Variants in RAB27B observed in about 807,000 individuals in gnomAD.
The protein encoded by RAB27B is RAB27B, member RAS oncogene family.
In RAB27B, 15 loss-of-function variants were observed where a neutral mutation model predicts 24.6. The ratio of observed to expected loss-of-function variants is 0.61; its 90% confidence interval spans 0.41 to 0.94. The LOEUF (loss-of-function observed/expected upper bound fraction) is 0.94, where lower values mean the gene tolerates loss of function less well. Ranked by LOEUF, RAB27B falls within the 40% of genes least tolerant of loss-of-function variation. The pLI, the probability that RAB27B is intolerant of heterozygous loss-of-function variation, is 0.00. For missense variants in RAB27B, 261 were observed against 266.8 expected, an observed-to-expected ratio of 0.98 and a Z score of 0.15; for synonymous variants, 105 against 92.5, an observed-to-expected ratio of 1.14 and a Z score of -0.78.
At position 54,879,298 on chromosome 18, in the gene RAB27B, A is replaced by T. The variant is rs1042610171; in HGVS notation, c.154-71A>T. On this transcript the variant is annotated intron_variant, in intron 2 of 5. Coordinates refer to ENST00000262094, the MANE Select transcript of RAB27B (RefSeq NM_004163.4). ...TAGTAATTGAGAAAAAAACATGCTG[A>T]GTGAACCCAAAGAATTTGAGTGCTG... 1.2e-5 allele frequency: 14 copies of T among 1,126,838 alleles called. No individual in the cohort carries two copies. The African/African-American group carries it at 1.8e-4, about 15-fold the overall frequency. The allele number at this position is 1,126,838 out of a possible 1,614,324, so 69.8% of individuals were successfully genotyped here. A position where few individuals can be genotyped will look rare whatever the true frequency, so the allele number is the denominator to read the frequency against.
chr18:54,831,444 T>G (rs1487839331), intron 1 of RAB27B, among the ~76,000 whole-genome samples: 1 of 152,140 alleles, frequency 6.6e-6, no homozygotes, highest in Non-Finnish European at 1.5e-5. Flanking sequence ...TTGGCCTTTG[T>G]TTTTTATTCC....
At chr18:54,844,291 A>C (rs1364501999) in intron 1 of RAB27B, among the ~76,000 whole-genome samples, 1 of 152,142 alleles carries the variant, frequency 6.6e-6, no homozygotes, top group Non-Finnish European at 1.5e-5. Flanking sequence ...GTTAAAGTTG[A>C]AGGCAATCCC....
chr18:54,723,907 G>A (rs550209722), intron 2 of RAB27B, among the ~76,000 whole-genome samples: 78 of 152,228 alleles, frequency 5.1e-4, no homozygotes, highest in African/African-American at 1.8e-3. Flanking sequence ...AAGGGCAACA[G>A]GTCATGAAAT....
At chr18:54,881,386 C>T (rs1912918755) in intron 3 of RAB27B, among the ~76,000 whole-genome samples, 1 of 151,978 alleles carries the variant, frequency 6.6e-6, no homozygotes, top group Admixed American at 6.6e-5. Flanking sequence ...CATTCTATCT[C>T]AGGGGTCACG....
At chr18:54,810,744 C>T (rs1909934299) in intron 2 of RAB27B, among the ~76,000 whole-genome samples, 1 of 151,736 alleles carries the variant, frequency 6.6e-6, no homozygotes, top group Non-Finnish European at 1.5e-5. Context: ...GCATGAGAAT[C>T]ACTTGAACTG....
intron 1 of RAB27B, among the ~76,000 whole-genome samples, chr18:54,850,066 C>T (rs974057600): frequency 6.6e-6 from 1 of 151,474 alleles, no homozygotes; most frequent in East Asian, 1.9e-4. Flanking sequence ...TATTAAGACC[C>T]CCAAATCTGA....
chr18:54,750,368 G>T (rs530172770), intron 2 of RAB27B, among the ~76,000 whole-genome samples: 8 of 152,278 alleles, frequency 5.3e-5, no homozygotes, highest in African/African-American at 1.7e-4. Context: ...AATTTTTAAT[G>T]TTTAAAGTTT....
At chr18:54,817,748 T>C (rs1178906832) in intron 2 of RAB27B, among the ~76,000 whole-genome samples, 1 of 151,790 alleles carries the variant, frequency 6.6e-6, no homozygotes, top group Non-Finnish European at 1.5e-5. Flanking sequence ...GTAGTGAACC[T>C]AGAGGAGATC....
chr18:54,765,727 C>G (rs1262813056), intron 2 of RAB27B, among the ~76,000 whole-genome samples: 2 of 152,146 alleles, frequency 1.3e-5, no homozygotes, highest in Non-Finnish European at 2.9e-5. Flanking sequence ...CTTTCCTTTC[C>G]CCATACCCAC....
chr18:54,838,015 T>A (rs1183366308), intron 1 of RAB27B, among the ~76,000 whole-genome samples: 1 of 152,134 alleles, frequency 6.6e-6, no homozygotes, highest in Non-Finnish European at 1.5e-5. Flanking sequence ...AGTGATTGAA[T>A]CAAGTGATTC....
chr18:54,729,650 TA>T (rs1909667939), intron 2 of RAB27B, among the ~76,000 whole-genome samples: 1 of 152,282 alleles, frequency 6.6e-6, no homozygotes, highest in African/African-American at 2.4e-5. Flanking sequence ...AGGGAATTTT[TA>T]AAGCCTGATT....
intron 2 of RAB27B, among the ~76,000 whole-genome samples, chr18:54,804,906 CTT>C (rs879467946): frequency 0.56 from 64,688 of 114,876 alleles, 17,101 homozygotes; most frequent in Middle Eastern, 0.7. Flanking sequence ...TTCTCTCTCT[CTT>C]TCTTTCTTTC....
intron 2 of RAB27B, among the ~76,000 whole-genome samples, chr18:54,735,638 G>T (rs1909867572): frequency 6.6e-6 from 1 of 152,054 alleles, no homozygotes; most frequent in South Asian, 2.1e-4. Context: ...GCAGCCTCCT[G>T]AGTAGCTGGG....
At chr18:54,752,412 C>A (rs4801041) in intron 2 of RAB27B, among the ~76,000 whole-genome samples, 94,870 of 151,502 alleles carry the variant, frequency 0.63, 30,739 homozygotes, top group Non-Finnish European at 0.72. Flanking sequence ...TAAAAGTCCC[C>A]CAGGTGATTC....
At chr18:54,725,198 A>G (rs1366605483) in intron 2 of RAB27B, among the ~76,000 whole-genome samples, 1 of 151,584 alleles carries the variant, frequency 6.6e-6, no homozygotes, top group Non-Finnish European at 1.5e-5. Context: ...AGAAAAATGG[A>G]AAGAGTGCCT....
intron 2 of RAB27B, among the ~76,000 whole-genome samples, chr18:54,809,399 C>T (rs529354591): frequency 6.6e-6 from 1 of 152,246 alleles, no homozygotes; most frequent in South Asian, 2.1e-4. Flanking sequence ...ATGGAGCAGA[C>T]CACATGCCTC....
chr18:54,742,490 T>A (rs948693443), intron 2 of RAB27B, among the ~76,000 whole-genome samples: 3 of 152,138 alleles, frequency 2.0e-5, no homozygotes, highest in African/African-American at 4.8e-5. Context: ...AAGTATAAGG[T>A]CATTTAAATC....
At chr18:54,809,136 A>T (rs2145145961) in intron 2 of RAB27B, among the ~76,000 whole-genome samples, 1 of 152,322 alleles carries the variant, frequency 6.6e-6, no homozygotes, top group East Asian at 1.9e-4. Context: ...TTACATGATT[A>T]TCTAGGAAAC....
chr18:54,754,272 C>A (rs779592763), intron 2 of RAB27B, among the ~76,000 whole-genome samples: 8 of 152,160 alleles, frequency 5.3e-5, no homozygotes, highest in African/African-American at 1.9e-4. Context: ...AAGGTCCTTG[C>A]TTCCCCTTGC....
Sources: gnomAD v4.1 joint callset for allele counts (sites outside exome capture counted in the v4.1 genomes callset) on GRCh38, gnomAD v4.1.1 for gene constraint, MANE v1.5 for transcripts, NCBI Gene and HGNC (gene_info 2026-07-23, HGNC 2026-07-21) for gene names.